The following ITPR3 variants were observed in gnomAD, a reference collection of about 807,000 sequenced individuals.
ITPR3 encodes the protein inositol 1,4,5-trisphosphate receptor type 3.
Under a neutral mutation model 293.2 loss-of-function variants are expected in ITPR3, and 173 were observed. That is an observed-to-expected ratio of 0.59 (90% CI 0.52 to 0.67). ITPR3 has a LOEUF of 0.67. ITPR3 is among the 30% of genes least tolerant of loss of function. ITPR3 has a pLI of 0.00. For missense variants in ITPR3, 2,796 were observed against 3,592.1 expected (o/e 0.78, Z 5.66); for synonymous variants, 1,295 against 1,444.4 (o/e 0.90, Z 2.35).
At chr6:33,647,983 G>A (rs997240528) in intron 2 of ITPR3, among the ~76,000 whole-genome samples, 2 of 152,010 alleles carry the variant, frequency 1.3e-5, no homozygotes, top group Non-Finnish European at 2.9e-5. Context: ...ATAAGAGAAA[G>A]CAACCCCTTT....
chr6:33,691,173 G>C lies in ITPR3; in HGVS notation c.7225+64G>C. On this transcript the variant is annotated intron_variant, in intron 52 of 57. Transcript: ENST00000605930. This position sits in a 1 kb window ranked among gnomAD's most constrained non-coding sequence, Gnocchi z 4.9. ...TGAGGTTGGGTCTCACAAATGTCTG[G>C]CGTCAGGACCAGGACCTGCAGCGCT... is the stretch of plus-strand genomic sequence containing the variant. 4 of 1,537,020 alleles carry C rather than the reference G, an allele frequency of 2.6e-6. No individual in the cohort carries two copies. Among genetic ancestry groups the C allele is most frequent in the Non-Finnish European group, 3.6e-6 (4 of 1,116,042 alleles).
intron 2 of ITPR3, among the ~76,000 whole-genome samples, chr6:33,652,241 C>T (rs1561858396): frequency 6.6e-6 from 1 of 152,130 alleles, no homozygotes; most frequent in Non-Finnish European, 1.5e-5. Context: ...CTCTTCCTCC[C>T]TCCAAGGCTA....
In ITPR3 at chr6:33,670,022, C is replaced by A. The variant is rs1194342314; in HGVS notation, c.2190-303C>A. On this transcript the variant is annotated intron_variant, in intron 18 of 57. Transcript: ENST00000605930. This position sits in a 1 kb window ranked among gnomAD's most constrained non-coding sequence, Gnocchi z 6.7. ...CCCATCTTGCCCTCACCCTCCCTGG[C>A]CAAGGCTGGCTCTTCTCATCTCACT... Among the ~76,000 whole-genome samples, 1 of 152,010 alleles carries A rather than the reference C, an allele frequency of 6.6e-6. No homozygotes were observed. The highest frequency in any genetic ancestry group is 1.5e-5 in the Non-Finnish European group (1 of 67,982).
Position 33,695,960 on chromosome 6 carries a change from T to C in ITPR3, c.*180T>C, listed in dbSNP as rs907440447. 1 of 611,344 alleles carries C rather than the reference T, an allele frequency of 1.6e-6. No individual in the cohort carries two copies. The highest frequency in any genetic ancestry group is 2.9e-6 in the Non-Finnish European group (1 of 342,316). The allele number at this position is 611,344 out of a possible 1,614,324, so 37.9% of individuals were successfully genotyped here. A position where few individuals can be genotyped will look rare whatever the true frequency, so the allele number is the denominator to read the frequency against. ...GAGCATGGAGGGGGAGCCTCAGAGCTGACAGTCCTGCTTAGAGCCCTTAAA... is the reference window on the plus strand; with the variant it reads ...GAGCATGGAGGGGGAGCCTCAGAGCCGACAGTCCTGCTTAGAGCCCTTAAA... On this transcript the variant is annotated 3_prime_UTR_variant, in exon 58 of 58. Coordinates refer to ENST00000605930, the MANE Select transcript of ITPR3 (RefSeq NM_002224.4).
At chr6:33,693,788 T>G (rs1244437658) in intron 56 of ITPR3, 83 bp downstream of exon 56, 1 of 1,505,580 alleles carries the variant, frequency 6.6e-7, no homozygotes, top group Non-Finnish European at 9.1e-7. Flanking sequence ...CCTCATGGTT[T>G]TAGCTTCTGA....
chr6:33,637,753 G>A lies in ITPR3; in HGVS notation c.90-2731G>A, dbSNP rs530292800. 9.2e-5 allele frequency among the ~76,000 whole-genome samples: 14 copies of A among 151,542 alleles called. No individual in the cohort carries two copies. The East Asian group carries it at 2.5e-3, about 27-fold the overall frequency. On this transcript the variant is annotated intron_variant, in intron 1 of 57. Coordinates refer to ENST00000605930, the MANE Select transcript of ITPR3 (RefSeq NM_002224.4). ...AGCGATTCTCTTGCCTCAGCCTCCCGAGTAGCTGGGGTTACAAGAGTGCGT... is the reference window on the plus strand; with the variant it reads ...AGCGATTCTCTTGCCTCAGCCTCCCAAGTAGCTGGGGTTACAAGAGTGCGT...
intron 57 of ITPR3, chr6:33,695,490 C>T (rs768737854): frequency 3.4e-6 from 2 of 585,156 alleles, no homozygotes; most frequent in East Asian, 5.7e-5. Context: ...GGCTGGTTTC[C>T]CAGCTGCATC....
chr6:33,694,711 G>GTGTAGA, intron 56 of ITPR3: 3 of 590,112 alleles, frequency 5.1e-6, no homozygotes, highest in South Asian at 4.2e-5. Flanking sequence ...AAGTCAGCCT[G>GTGTAGA]TCTCGGTGGC....
chr6:33,664,834 C>G lies in ITPR3; in HGVS notation c.1149-36C>G. ...AGGCAGCATGACGTGCTCTGTGGTGCACTCCCCGAGTCCTTTCCCTCCCAC... is the reference window on the plus strand; with the variant it reads ...AGGCAGCATGACGTGCTCTGTGGTGGACTCCCCGAGTCCTTTCCCTCCCAC... On this transcript the variant is annotated intron_variant, in intron 11 of 57. Coordinates refer to ENST00000605930, the MANE Select transcript of ITPR3 (RefSeq NM_002224.4). This position sits in a 1 kb window ranked among gnomAD's most constrained non-coding sequence, Gnocchi z 4.4. 1.9e-6 allele frequency: 3 copies of G among 1,582,936 alleles called. No homozygotes were observed. Among genetic ancestry groups the G allele is most frequent in the Non-Finnish European group, 2.6e-6 (3 of 1,154,816 alleles).
intron 3 of ITPR3, among the ~76,000 whole-genome samples, chr6:33,656,681 G>A (rs184108819): frequency 1.1e-4 from 17 of 152,276 alleles, no homozygotes; most frequent in Admixed American, 9.8e-4. Context: ...GGCAGATCTC[G>A]GGGTCCCAAC....
Position 33,675,596 on chromosome 6 carries a change from G to A in ITPR3, c.3117-95G>A. On this transcript the variant is annotated intron_variant, in intron 24 of 57. Transcript: ENST00000605930. This position sits in a 1 kb window ranked among gnomAD's most constrained non-coding sequence, Gnocchi z 5.0. The stretch of plus-strand genomic sequence containing the variant: ...TGGCCCTGCATCTGCTAATTGGGTG[G>A]CGGAGAGTGTGCTTGTGCCAGGGCC... 7.3e-7 allele frequency: 1 copy of A among 1,371,310 alleles called. No homozygotes were observed. Among genetic ancestry groups the A allele is most frequent in the Middle Eastern group, 2.4e-4 (1 of 4,092 alleles). 84.9% of individuals were successfully genotyped at this position (1,371,310 alleles called of 1,614,324 possible). A position where few individuals can be genotyped will look rare whatever the true frequency, so the allele number is the denominator to read the frequency against.
intron 25 of ITPR3, among the ~76,000 whole-genome samples, chr6:33,676,335 G>A (rs1561872676): frequency 2.6e-5 from 4 of 152,352 alleles, no homozygotes; most frequent in Middle Eastern, 3.4e-3. Flanking sequence ...ATTCCAGAGC[G>A]GGGAGAAATC....
Position 33,638,809 on chromosome 6 carries a change from A to T in ITPR3, c.90-1675A>T, listed in dbSNP as rs1210975615. Among the ~76,000 whole-genome samples the T allele has an allele frequency of 2.6e-5, 4 of 152,206 alleles. No individual in the cohort carries two copies. Among genetic ancestry groups the T allele is most frequent in the African/African-American group, 9.7e-5 (4 of 41,448 alleles). On this transcript the variant is annotated intron_variant, in intron 1 of 57. Coordinates refer to ENST00000605930, the MANE Select transcript of ITPR3 (RefSeq NM_002224.4). This position sits in a 1 kb window ranked among gnomAD's most constrained non-coding sequence, Gnocchi z 4.3. ...AGAAGTGGGGAGAGACACTGCCAGG[A>T]CCAGGTGCCGGAACATGAAGGAGGG...
chr6:33,659,030 G>A lies in ITPR3; in HGVS notation c.538G>A (p.Gly180Arg). The A allele has an allele frequency of 6.2e-7, 1 of 1,614,144 alleles. No individual in the cohort carries two copies. Among genetic ancestry groups the A allele is most frequent in the South Asian group, 1.1e-5 (1 of 91,082 alleles). Residue 180 changes from glycine (G) to arginine (R), a missense_variant, in exon 6 of 58, where the codon GGG becomes AGG. By Grantham distance (125) the Gly-to-Arg change is moderately radical. This residue lies in a region of ITPR3 where 144 missense variants were observed against 230.8 expected (regional missense o/e 0.62). Transcript: ENST00000605930. ...CCACCTGTCTGCTCAGGTGGTCGTG[G>A]GGGACAAGGTGATCCTGAATCCTGT... ...LRSNGDNVVV[G>R]DKVILNPVNA...
intron 23 of ITPR3, 93 bp from the exon 24 acceptor site, chr6:33,674,095 AGCAGCTGCTGTGCAGCCAGT>A (rs1158559366): frequency 7.7e-7 from 1 of 1,306,678 alleles, no homozygotes; most frequent in African/African-American, 1.4e-5. Flanking sequence ...GGGCAGGCAG[AGCAGCTGCTGTGCAGCCAGT>A]GCAGGGAAGA....
Position 33,667,328 on chromosome 6 carries a change from C to T in ITPR3, c.1713+38C>T, listed in dbSNP as rs116530022. On this transcript the variant is annotated intron_variant, in intron 15 of 57. Transcript: ENST00000605930. The surrounding 1 kb of genome is among the most constrained non-coding windows in gnomAD (Gnocchi z 4.4). ...CCTGCTGGCCCACTCGCTGGCTGCA[C>T]GTTCCTTCCTCAGCAAGCGATTTCC... The T allele has an allele frequency of 3.2e-4, 503 of 1,595,664 alleles. 2 individuals carry two copies. The African/African-American group carries it at 6.1e-3, about 19-fold the overall frequency.
chr6:33,685,079 A>G, intron 39 of ITPR3, 136 bp downstream of exon 39: 1 of 1,061,094 alleles, frequency 9.4e-7, no homozygotes. Flanking sequence ...GAGAGGTGAG[A>G]AGAGTGGGCA....
At chr6:33,626,060 G>A (rs1028596128) in intron 1 of ITPR3, among the ~76,000 whole-genome samples, 1 of 152,092 alleles carries the variant, frequency 6.6e-6, no homozygotes, top group Non-Finnish European at 1.5e-5. Context: ...TCAGCCGCCC[G>A]AGTAGCTGGG....
At chr6:33,680,746 A>G (rs1765051975) in intron 33 of ITPR3, 66 bp downstream of exon 33, 1 of 1,547,376 alleles carries the variant, frequency 6.5e-7, no homozygotes, top group Non-Finnish European at 8.8e-7. Flanking sequence ...GAAGGGGGGA[A>G]ATAAGAATAC....
Sources: gnomAD v4.1 joint callset for allele counts (sites outside exome capture counted in the v4.1 genomes callset) on GRCh38, gnomAD v4.1.1 for gene constraint, gnomAD v4.1.1 regional missense constraint, Gnocchi (gnomAD v3.1) non-coding constraint, MANE v1.5 for transcripts, NCBI Gene and HGNC (gene_info 2026-07-23, HGNC 2026-07-21) for gene names.